The following USP37 variants were observed in gnomAD, a reference collection of about 807,000 sequenced individuals.
USP37 encodes the protein ubiquitin carboxyl-terminal hydrolase 37.
A neutral mutation model predicts 124.0 loss-of-function variants in USP37; 27 were observed. The ratio of observed to expected loss-of-function variants is 0.22; its 90% CI spans 0.16 to 0.30. The LOEUF (loss-of-function observed/expected upper bound fraction) is 0.30. Among genes scored for constraint, USP37 ranks in the 10% least tolerant of loss-of-function variants. USP37 has a pLI of 1.00. For missense variants in USP37, 889 were observed against 1,140.4 expected (o/e 0.78, Z 3.17); for synonymous variants, 365 against 388.0 (o/e 0.94, Z 0.70).
intron 20 of USP37, among the ~76,000 whole-genome samples, chr2:218,471,146 T>C (rs1232759524): frequency 6.6e-6 from 1 of 152,178 alleles, no homozygotes; most frequent in Non-Finnish European, 1.5e-5. Flanking sequence ...TTTAGCAATC[T>C]TCACCAGCTT....
intron 22 of USP37, 147 bp downstream of exon 22, chr2:218,463,159 G>C (rs1204261742): frequency 1.2e-6 from 1 of 807,514 alleles, no homozygotes; most frequent in African/African-American, 1.9e-5. Context: ...AGAGTGAGAG[G>C]CTCTCCCCCA....
chr2:218,476,697 A>G (rs1691001743), intron 19 of USP37, 143 bp downstream of exon 19: 1 of 922,726 alleles, frequency 1.1e-6, no homozygotes, highest in Non-Finnish European at 1.5e-6. Flanking sequence ...GTCTTGATCC[A>G]TCTGTAAACA....
At chr2:218,457,622 G>T (rs1462862069) in intron 23 of USP37, among the ~76,000 whole-genome samples, 4 of 152,158 alleles carry the variant, frequency 2.6e-5, no homozygotes, top group African/African-American at 9.7e-5. Flanking sequence ...GTTAAAAAGA[G>T]TTGCTATGTT....
intron 10 of USP37, among the ~76,000 whole-genome samples, chr2:218,527,998 C>G (rs184286553): frequency 1.3e-5 from 2 of 152,114 alleles, no homozygotes; most frequent in Admixed American, 1.3e-4. Flanking sequence ...GTCAGGAAAT[C>G]GAGACCATCC....
chr2:218,539,436 C>T (rs904161900), intron 8 of USP37, among the ~76,000 whole-genome samples: 24 of 152,020 alleles, frequency 1.6e-4, no homozygotes, highest in African/African-American at 5.8e-4. Flanking sequence ...TTTTATTGGC[C>T]GGGCACAGTG....
intron 8 of USP37, among the ~76,000 whole-genome samples, chr2:218,544,430 T>TATATAGAGAGAGAG (rs377397246): frequency 3.1e-4 from 16 of 50,820 alleles, no homozygotes; most frequent in African/African-American, 8.0e-4. Context: ...TATATATATA[T>TATATAGAGAGAGAG]AGAGAGAGAG....
chr2:218,456,465 AAAAAAAAAAG>A (rs987694758), intron 24 of USP37, among the ~76,000 whole-genome samples: 2 of 151,908 alleles, frequency 1.3e-5, no homozygotes, highest in African/African-American at 4.8e-5. Context: ...TCTCTTGAAA[AAAAAAAAAAG>A]AAAAAAGAAG....
intron 9 of USP37, 111 bp from the exon 10 acceptor site, chr2:218,530,151 T>C (rs866841980): frequency 2.8e-6 from 2 of 719,212 alleles, no homozygotes; most frequent in Middle Eastern, 5.4e-4. Context: ...TTTTTCCTTC[T>C]CATCAAATAC....
intron 11 of USP37, among the ~76,000 whole-genome samples, chr2:218,499,967 C>T (rs745505307): frequency 6.6e-6 from 1 of 152,132 alleles, no homozygotes; most frequent in Non-Finnish European, 1.5e-5. Flanking sequence ...ATGGATCTCA[C>T]TATGTTGCCT....
intron 8 of USP37, among the ~76,000 whole-genome samples, chr2:218,536,191 C>T (rs950670599): frequency 3.9e-4 from 59 of 152,026 alleles, no homozygotes; most frequent in African/African-American, 1.2e-3. Context: ...CCCTTTTCTC[C>T]CCTGTATTAT....
Position 218,452,722 on chromosome 2 carries a change from AG to A in USP37, c.*2207del, listed in dbSNP as rs1363732154. 2 of 152,242 alleles carry A rather than the reference AG, an allele frequency of 1.3e-5. 1 individual carries two copies. The highest frequency in any genetic ancestry group is 1.3e-4 in the Admixed American group (2 of 15,278). 9.4% of individuals were successfully genotyped at this position (152,242 alleles called of 1,614,324 possible). A position where few individuals can be genotyped will look rare whatever the true frequency, so the allele number is the denominator to read the frequency against. ...GCAATTCAAATGAGGCTGCTTCATGAGGCAATCTAGACTTATGGCATTATTT... is the reference window on the plus strand; with the variant it reads ...GCAATTCAAATGAGGCTGCTTCATGAGCAATCTAGACTTATGGCATTATTT... On this transcript the variant is annotated 3_prime_UTR_variant, in exon 26 of 26. Transcript: ENST00000258399.
At chr2:218,527,877 T>A (rs1691070098) in intron 10 of USP37, among the ~76,000 whole-genome samples, 1 of 152,136 alleles carries the variant, frequency 6.6e-6, no homozygotes, top group Non-Finnish European at 1.5e-5. Flanking sequence ...ATAACCAAGA[T>A]GTTTTTAACA....
At chr2:218,565,096 A>G (rs991857858) in intron 1 of USP37, among the ~76,000 whole-genome samples, 3 of 152,050 alleles carry the variant, frequency 2.0e-5, no homozygotes, top group Non-Finnish European at 4.4e-5. Flanking sequence ...TAATTTTTGT[A>G]ATTTTTTATA....
chr2:218,513,636 C>G (rs768766829), intron 10 of USP37, among the ~76,000 whole-genome samples: 11 of 152,148 alleles, frequency 7.2e-5, no homozygotes, highest in Non-Finnish European at 1.3e-4. Context: ...TCTAAAATTT[C>G]ATATAAATGG....
At chr2:218,479,849 T>A in intron 17 of USP37, 134 bp from the exon 18 acceptor site, 2 of 479,992 alleles carry the variant, frequency 4.2e-6, no homozygotes, top group Non-Finnish European at 3.0e-6. Context: ...TAATACTTTT[T>A]AAATTACTAG....
rs1278780255 is a variant in USP37 at position 218,455,624 on chromosome 2, C to T, written c.2808G>A (p.Gln936=). 6.2e-7 allele frequency: 1 copy of T among 1,614,160 alleles called. No individual in the cohort carries two copies. The highest frequency in any genetic ancestry group is 8.5e-7 in the Non-Finnish European group (1 of 1,180,040). ...TGTAGCCACTCCGATCTCGATCACTCTGCACGGCAGCCTCTTGGATTTTTG... is the reference window on the plus strand; with the variant it reads ...TGTAGCCACTCCGATCTCGATCACTTTGCACGGCAGCCTCTTGGATTTTTG... ...EVSKIQEAAV[Q]SDRDRSGYIF... The change falls in exon 25 of 26, where the codon CAG becomes CAA. Residue 936 remains glutamine (Q), a synonymous_variant. Transcript: ENST00000258399.
rs1691306960 is a variant in USP37 at position 218,482,245 on chromosome 2, G to A, written c.1671-11C>T. ...TGGAGAATGAGGACCCTGAAAAACA[G>A]GAGATGACAACCTTACTAATTCATA... On this transcript the variant is annotated splice_polypyrimidine_tract_variant and intron_variant, in intron 16 of 25. Transcript: ENST00000258399. 1 of 1,605,740 alleles carries A rather than the reference G, an allele frequency of 6.2e-7. No individual in the cohort carries two copies. The highest frequency in any genetic ancestry group is 1.3e-5 in the African/African-American group (1 of 74,726).
chr2:218,555,310 A>T (rs920017688), intron 4 of USP37, among the ~76,000 whole-genome samples: 1 of 151,728 alleles, frequency 6.6e-6, no homozygotes, highest in Non-Finnish European at 1.5e-5. Flanking sequence ...AACTAGAGAA[A>T]ATTGACTTTT....
At chr2:218,473,562 T>C (rs897908927) in intron 20 of USP37, among the ~76,000 whole-genome samples, 2 of 152,166 alleles carry the variant, frequency 1.3e-5, no homozygotes, top group African/African-American at 4.8e-5. Flanking sequence ...CTATGGCTGG[T>C]GTACCTGAAA....
Sources: gnomAD v4.1 joint callset for allele counts (sites outside exome capture counted in the v4.1 genomes callset) on GRCh38, gnomAD v4.1.1 for gene constraint, MANE v1.5 for transcripts, NCBI Gene and HGNC (gene_info 2026-07-23, HGNC 2026-07-21) for gene names.